SLC39A10: variants seen among roughly 807,000 people sequenced by gnomAD.
The protein encoded by SLC39A10 is zinc transporter ZIP10.
Under a neutral mutation model 65.1 loss-of-function variants are expected in SLC39A10, and 13 were observed. The ratio of observed to expected loss-of-function variants is 0.20; its 90% CI spans 0.13 to 0.32. The LOEUF (loss-of-function observed/expected upper bound fraction) is 0.32. SLC39A10 is among the 10% of genes least tolerant of loss of function. SLC39A10 has a pLI of 1.00. For synonymous variants in SLC39A10, 321 were observed against 342.2 expected (o/e 0.94, Z 0.68); for missense variants, 831 against 1,018.4 (o/e 0.82, Z 2.50).
intron 2 of SLC39A10, among the ~76,000 whole-genome samples, chr2:195,648,523 C>A (rs976970313): frequency 6.6e-6 from 1 of 151,844 alleles, no homozygotes; most frequent in Non-Finnish European, 1.5e-5. Flanking sequence ...ACAAAAAATT[C>A]AAAAATTAGC....
chr2:195,716,890 T>C lies in SLC39A10; in HGVS notation c.1950T>C (p.His650=). 1 of 1,614,194 alleles carries C rather than the reference T, an allele frequency of 6.2e-7. No homozygotes were observed. Among genetic ancestry groups the C allele is most frequent in the Non-Finnish European group, 8.5e-7 (1 of 1,180,016 alleles). ...NHQWHHKHSH[H]SHGPCHSGSD... is the part of the protein sequence containing the mutation. ...AGTGGCACCACAAGCATTCTCATCA[T>C]TCCCATGGCCCCTGTCATTCTGGAT... The change falls in exon 7 of 10, where the codon CAT becomes CAC. Residue 650 remains histidine (H), a synonymous_variant. Transcript: ENST00000359634.
At chr2:195,653,184 A>G (rs1433213262), upstream of SLC39A10, among the ~76,000 whole-genome samples, 3 of 152,238 alleles carry the variant, frequency 2.0e-5, no homozygotes, top group African/African-American at 7.2e-5. Context: ...AAAAATACTT[A>G]GAATTCTTTC....
In SLC39A10 at chr2:195,722,401, A is replaced by G. The variant is rs570223384; in HGVS notation, c.2146+4069A>G. On this transcript the variant is annotated intron_variant, in intron 8 of 9. Coordinates refer to ENST00000359634, the MANE Select transcript of SLC39A10 (RefSeq NM_020342.3). ...TGACAGAAAGGGCTCTGGTCCTTGT[A>G]TCTATCAACAAGTTAGGAAGTGGTC... 2.6e-5 allele frequency among the ~76,000 whole-genome samples: 4 copies of G among 152,350 alleles called. No individual in the cohort carries two copies. In the East Asian group the frequency reaches 7.7e-4, roughly 29 times the overall value.
intron 3 of SLC39A10, among the ~76,000 whole-genome samples, chr2:195,700,555 T>C (rs924196819): frequency 6.6e-6 from 1 of 152,236 alleles, no homozygotes; most frequent in Non-Finnish European, 1.5e-5. Context: ...TACTGTTTAG[T>C]GTCCTTTCCC....
chr2:195,630,391 G>T (rs1688562611), intron 2 of SLC39A10, among the ~76,000 whole-genome samples: 1 of 152,070 alleles, frequency 6.6e-6, no homozygotes, highest in Admixed American at 6.6e-5. Flanking sequence ...CCCTCCCTGG[G>T]CACACTACCC....
chr2:195,649,616 T>C (rs550082625), intron 2 of SLC39A10, among the ~76,000 whole-genome samples: 2 of 152,322 alleles, frequency 1.3e-5, no homozygotes, highest in South Asian at 2.1e-4. Flanking sequence ...TGGTAACTTA[T>C]TGTTAATTCA....
intron 8 of SLC39A10, among the ~76,000 whole-genome samples, chr2:195,722,712 G>A (rs1300061445): frequency 3.9e-5 from 6 of 152,218 alleles, no homozygotes; most frequent in African/African-American, 4.8e-5. Flanking sequence ...TTAAGATGTT[G>A]ACAAAGTAGT....
chr2:195,714,192 A>C (rs1691704808), intron 6 of SLC39A10, among the ~76,000 whole-genome samples: 3 of 152,042 alleles, frequency 2.0e-5, no homozygotes, highest in South Asian at 4.2e-4. Flanking sequence ...CGGCCTCCCA[A>C]AGTGCTGGGA....
At chr2:195,648,837 C>G (rs748465455) in intron 2 of SLC39A10, among the ~76,000 whole-genome samples, 2 of 152,120 alleles carry the variant, frequency 1.3e-5, no homozygotes, top group Non-Finnish European at 2.9e-5. Context: ...CAGAGGGTTA[C>G]TGTAGAATTA....
chr2:195,668,397 G>A (rs548577423), intron 1 of SLC39A10, among the ~76,000 whole-genome samples: 104 of 152,256 alleles, frequency 6.8e-4, no homozygotes, highest in African/African-American at 2.4e-3. Context: ...TTAAAACATG[G>A]TATATTATCC....
intron 2 of SLC39A10, among the ~76,000 whole-genome samples, chr2:195,627,058 A>G (rs758351403): frequency 2.6e-5 from 4 of 152,218 alleles, no homozygotes; most frequent in Non-Finnish European, 4.4e-5. Context: ...TATTCTTAAC[A>G]GCTCAAAGAT....
chr2:195,650,058 C>T (rs536700656), intron 2 of SLC39A10, among the ~76,000 whole-genome samples: 21 of 152,110 alleles, frequency 1.4e-4, no homozygotes, highest in African/African-American at 4.1e-4. Flanking sequence ...CAAGTTCTTC[C>T]GGTTTCAAGG....
intron 2 of SLC39A10, among the ~76,000 whole-genome samples, chr2:195,625,644 A>T (rs1422817602): frequency 1.3e-5 from 2 of 152,146 alleles, no homozygotes; most frequent in Non-Finnish European, 2.9e-5. Context: ...CCCCACTCTT[A>T]GTCCTTTTAT....
rs1468459355 is a variant in SLC39A10, at chr2:195,737,100, C to CA, written c.*2064dup. The CA allele has an allele frequency of 6.6e-6, 1 of 152,320 alleles. No individual in the cohort carries two copies. The highest frequency in any genetic ancestry group is 2.4e-5 in the African/African-American group (1 of 41,446). The allele number at this position is 152,320 out of a possible 1,614,324, so 9.4% of individuals were successfully genotyped here. Reference sequence around the variant, plus strand: ...TATATAAAGAAGTTTTATATTCTCTCAAAAATGGTATTATCTTTCTTTATT... The same window carrying CA: ...TATATAAAGAAGTTTTATATTCTCTCAAAAAATGGTATTATCTTTCTTTATT... On this transcript the variant is annotated 3_prime_UTR_variant, in exon 10 of 10. Transcript: ENST00000359634.
At chr2:195,687,807 G>A (rs776807823) in intron 3 of SLC39A10, among the ~76,000 whole-genome samples, 2 of 152,152 alleles carry the variant, frequency 1.3e-5, no homozygotes, top group African/African-American at 4.8e-5. Flanking sequence ...GGTAGAAATC[G>A]TTTGTTTCAC....
At chr2:195,621,457 G>T (rs997264188) in intron 2 of SLC39A10, among the ~76,000 whole-genome samples, 1 of 152,142 alleles carries the variant, frequency 6.6e-6, no homozygotes, top group Non-Finnish European at 1.5e-5. Flanking sequence ...GATGGAGTTT[G>T]TTTTCTTGGT....
intron 2 of SLC39A10, among the ~76,000 whole-genome samples, chr2:195,622,721 C>A (rs1688375849): frequency 6.6e-6 from 1 of 152,000 alleles, no homozygotes; most frequent in Non-Finnish European, 1.5e-5. Flanking sequence ...GCCTATAATC[C>A]CAGCACTTTG....
chr2:195,721,278 A>G (rs1692029447), intron 8 of SLC39A10, among the ~76,000 whole-genome samples: 1 of 152,016 alleles, frequency 6.6e-6, no homozygotes, highest in Non-Finnish European at 1.5e-5. Context: ...TCTTCTCTCT[A>G]CCTAGCTTTT....
intron 1 of SLC39A10, among the ~76,000 whole-genome samples, chr2:195,678,162 T>C (rs1356047962): frequency 1.3e-5 from 2 of 152,242 alleles, no homozygotes; most frequent in African/African-American, 2.4e-5. Flanking sequence ...TGTAAGTACA[T>C]AGGCTTACAT....
Sources: gnomAD v4.1 joint callset for allele counts (sites outside exome capture counted in the v4.1 genomes callset) on GRCh38, gnomAD v4.1.1 for gene constraint, MANE v1.5 for transcripts, NCBI Gene and HGNC (gene_info 2026-07-23, HGNC 2026-07-21) for gene names.